The following MARCHF1 variants were observed in gnomAD, a reference collection of about 807,000 sequenced individuals.
MARCHF1 encodes membrane associated ring-CH-type finger 1, also known as E3 ubiquitin-protein ligase MARCHF1.
Under a neutral mutation model 54.2 loss-of-function variants are expected in MARCHF1, and 40 were observed. That is an observed-to-expected ratio of 0.74 (90% CI 0.57 to 0.96). The LOEUF is 0.96. MARCHF1 is among the 40% of genes least tolerant of loss of function. The pLI, the probability that MARCHF1 is intolerant of heterozygous loss-of-function variation, is 0.00. For missense variants in MARCHF1, 586 were observed against 656.5 expected (o/e 0.89, Z 1.17); for synonymous variants, 236 against 236.3 (o/e 1.00, Z 0.01).
rs1360051737 is a variant in MARCHF1 at position 163,528,566 on chromosome 4, G to A, written c.*182C>T. 1 of 588,762 alleles carries A rather than the reference G, an allele frequency of 1.7e-6. No individual in the cohort carries two copies. The highest frequency in any genetic ancestry group is 3.0e-6 in the Non-Finnish European group (1 of 338,956). 36.5% of individuals were successfully genotyped at this position (588,762 alleles called of 1,614,324 possible). A position where few individuals can be genotyped will look rare whatever the true frequency, so the allele number is the denominator to read the frequency against. On this transcript the variant is annotated 3_prime_UTR_variant, in exon 10 of 10. Transcript: ENST00000514618. ...CTTTACTTTACGCTATTACTTCATG[G>A]GCTCCTGGGCATTTGGTCTGTTTGT...
At chr4:163,831,268 T>C (rs1489202145) in intron 4 of MARCHF1, among the ~76,000 whole-genome samples, 1 of 152,142 alleles carries the variant, frequency 6.6e-6, no homozygotes, top group Non-Finnish European at 1.5e-5. Flanking sequence ...CTCAAAGAAT[T>C]GCCAGGTTAG....
chr4:163,867,143 T>A (rs1047918057), intron 3 of MARCHF1, among the ~76,000 whole-genome samples: 1 of 151,902 alleles, frequency 6.6e-6, no homozygotes, highest in Non-Finnish European at 1.5e-5. Flanking sequence ...TCCTAAGTCA[T>A]CTCATTAGTG....
chr4:164,311,518 G>A (rs1734849593), intron 1 of MARCHF1, among the ~76,000 whole-genome samples: 1 of 152,132 alleles, frequency 6.6e-6, no homozygotes, highest in Admixed American at 6.5e-5. Context: ...TCCAAACTGT[G>A]TGTTGAAGTT....
rs61515106 is a variant in MARCHF1, at chr4:164,241,638, T to A, written c.-322-129976A>T. Among the ~76,000 whole-genome samples the A allele has an allele frequency of 8.7e-3, 1,328 of 152,234 alleles. 19 individuals are homozygous for A. The highest frequency in any genetic ancestry group is 0.031 in the African/African-American group (1,279 of 41,564). On this transcript the variant is annotated intron_variant, in intron 1 of 9. Coordinates refer to ENST00000514618, the MANE Select transcript of MARCHF1 (RefSeq NM_001394959.1). ...TGGGGGAGGAGCCAAGATGGCCCAA[T>A]AGGAACAGCTCCGGTCTACAGCTCC...
At chr4:164,128,689 A>C (rs1225669868) in intron 1 of MARCHF1, among the ~76,000 whole-genome samples, 1 of 152,172 alleles carries the variant, frequency 6.6e-6, no homozygotes, top group Non-Finnish European at 1.5e-5. Flanking sequence ...AGAAACTCCA[A>C]AATTATTAAT....
rs796656868 is a variant in MARCHF1, at chr4:164,231,060, G to A, written c.-322-119398C>T. 2.6e-5 allele frequency among the ~76,000 whole-genome samples: 4 copies of A among 152,128 alleles called. No individual in the cohort carries two copies. The East Asian group carries it at 7.7e-4, about 29-fold the overall frequency. ...CTCTCTTATTAAATAGGATGTGGAT[G>A]GATATAAAGGTCCAGGACTTAAAGT... On this transcript the variant is annotated intron_variant, in intron 1 of 9. Coordinates refer to ENST00000514618, the MANE Select transcript of MARCHF1 (RefSeq NM_001394959.1).
chr4:164,254,887 C>A (rs1404549687), intron 1 of MARCHF1, among the ~76,000 whole-genome samples: 1 of 152,150 alleles, frequency 6.6e-6, no homozygotes, highest in Non-Finnish European at 1.5e-5. Context: ...TTGGCAACGC[C>A]CACACAGACA....
chr4:163,998,419 A>T (rs1753121939), intron 2 of MARCHF1, among the ~76,000 whole-genome samples: 1 of 151,688 alleles, frequency 6.6e-6, no homozygotes, highest in Non-Finnish European at 1.5e-5. Flanking sequence ...ACACAGGAGT[A>T]CTATGTTAAT....
chr4:164,140,171 GCACA>G lies in MARCHF1; in HGVS notation c.-322-28513_-322-28510del, dbSNP rs1195618313. On this transcript the variant is annotated intron_variant, in intron 1 of 9. Coordinates refer to ENST00000514618, the MANE Select transcript of MARCHF1 (RefSeq NM_001394959.1). The stretch of plus-strand genomic sequence containing the variant: ...GATACATAGGCACACACACACTCAT[GCACA>G]CACACACATATACACATACACACAC... Among the ~76,000 whole-genome samples, 3 of 148,430 alleles carry G rather than the reference GCACA, an allele frequency of 2.0e-5. No homozygotes were observed. In the East Asian group the frequency reaches 5.9e-4, roughly 29 times the overall value.
intron 4 of MARCHF1, among the ~76,000 whole-genome samples, chr4:163,757,258 C>T (rs1746704635): frequency 1.3e-5 from 2 of 152,182 alleles, no homozygotes; most frequent in Admixed American, 6.5e-5. Flanking sequence ...TCTCCCATGT[C>T]CTGGCATTCT....
At chr4:164,140,461 GC>G (rs1007740625) in intron 1 of MARCHF1, among the ~76,000 whole-genome samples, 3 of 152,008 alleles carry the variant, frequency 2.0e-5, no homozygotes, top group Admixed American at 1.3e-4. Context: ...ACAATGAGAT[GC>G]CAGACCCCTC....
chr4:163,986,246 C>CTTTTTTTTTTT lies in MARCHF1; in HGVS notation c.-39+2254_-39+2255insAAAAAAAAAAA, dbSNP rs1752861022. Among the ~76,000 whole-genome samples the CTTTTTTTTTTT allele has an allele frequency of 2.7e-4, 20 of 73,774 alleles. 2 individuals are homozygous for CTTTTTTTTTTT. The highest frequency in any genetic ancestry group is 5.0e-4 in the African/African-American group (11 of 22,160). The allele number at this position is 73,774 out of a possible 152,430, so 48.4% of individuals were successfully genotyped here. A position where few individuals can be genotyped will look rare whatever the true frequency, so the allele number is the denominator to read the frequency against. On this transcript the variant is annotated intron_variant, in intron 3 of 9. Coordinates refer to ENST00000514618, the MANE Select transcript of MARCHF1 (RefSeq NM_001394959.1). ...CCTTTCCTTTTCTCCTAATTAACCT[C>CTTTTTTTTTTT]TTCTTTTTTTTTTTTTTTTTTTTTT...
intron 5 of MARCHF1, among the ~76,000 whole-genome samples, chr4:163,633,623 G>A (rs1384418508): frequency 6.6e-6 from 1 of 152,172 alleles, no homozygotes; most frequent in African/African-American, 2.4e-5. Context: ...CGTCTGATTG[G>A]TATACCTGAA....
intron 3 of MARCHF1, among the ~76,000 whole-genome samples, chr4:163,938,566 T>C (rs1291479380): frequency 6.6e-6 from 1 of 152,154 alleles, no homozygotes; most frequent in African/African-American, 2.4e-5. Flanking sequence ...ACTGAACAAC[T>C]ATCTGGGTTG....
In MARCHF1 at chr4:164,359,102, G is replaced by A. The variant is rs572815970; in HGVS notation, c.-323+24768C>T. Among the ~76,000 whole-genome samples the A allele has an allele frequency of 2.6e-5, 4 of 152,224 alleles. 1 individual carries two copies. The South Asian group carries it at 8.3e-4, about 32-fold the overall frequency. On this transcript the variant is annotated intron_variant, in intron 1 of 9. Transcript: ENST00000514618. The stretch of plus-strand genomic sequence containing the variant: ...CAGAGTAAACATTTCTAGTGCGATA[G>A]ATATATGTAATAGGAAAGCAATTCT...
intron 2 of MARCHF1, among the ~76,000 whole-genome samples, chr4:164,040,310 T>G (rs1754098624): frequency 8.8e-6 from 1 of 113,756 alleles, no homozygotes; most frequent in Non-Finnish European, 1.7e-5. Flanking sequence ...GTACATATAC[T>G]TATAAATATG....
chr4:163,539,260 A>T lies in MARCHF1; in HGVS notation c.1339+6336T>A, dbSNP rs187278240. Among the ~76,000 whole-genome samples, 1,187 of 152,224 alleles carry T rather than the reference A, an allele frequency of 7.8e-3. 12 individuals are homozygous for T. Among genetic ancestry groups the T allele is most frequent in the Non-Finnish European group, 0.013 (895 of 68,012 alleles). On this transcript the variant is annotated intron_variant, in intron 9 of 9. Transcript: ENST00000514618. ...TGTCTTGAACTCCTGACCTTAAGTG[A>T]TCTGCCCACCTTGGCCTCTCAAAGT...
intron 1 of MARCHF1, among the ~76,000 whole-genome samples, chr4:164,359,173 A>G (rs150191893): frequency 5.1e-4 from 77 of 152,302 alleles, no homozygotes; most frequent in Non-Finnish European, 9.9e-4. Context: ...AGATGTGGCC[A>G]TTCACATCGT....
chr4:163,685,827 T>C (rs1485322329), intron 5 of MARCHF1, among the ~76,000 whole-genome samples: 1 of 152,204 alleles, frequency 6.6e-6, no homozygotes, highest in African/African-American at 2.4e-5. Flanking sequence ...GTGATGCCAA[T>C]TTACACTTTT....
Sources: allele counts gnomAD v4.1 joint callset (sites outside exome capture counted in the v4.1 genomes callset), GRCh38; gene constraint gnomAD v4.1.1; transcripts MANE v1.5; gene names NCBI Gene and HGNC (gene_info 2026-07-23, HGNC 2026-07-21).